Variants in MTCL2 observed in about 807,000 individuals in gnomAD.
The protein encoded by MTCL2 is microtubule crosslinking factor 2.
the MTCL2 span, chr20:36,781,874 G>T: frequency 6.6e-6 from 1 of 151,996 alleles, no homozygotes; most frequent in Non-Finnish European, 1.5e-5. Flanking sequence ...TCATTCCGTT[G>T]CCCAGGCTAG....
the MTCL2 span, chr20:36,794,338 C>T: frequency 5.7e-6 from 9 of 1,586,058 alleles, no homozygotes; most frequent in African/African-American, 2.7e-5. This position sits in a 1 kb window ranked among gnomAD's most constrained non-coding sequence, Gnocchi z 5.4. Context: ...CTCGGATGCC[C>T]GTCTTGTCAG....
chr20:36,804,902 G>C, the MTCL2 span: 1 of 1,606,770 alleles, frequency 6.2e-7, no homozygotes, highest in Non-Finnish European at 8.5e-7. Flanking sequence ...TACTCATTGG[G>C]CTGCAGACAG....
the MTCL2 span, among the ~76,000 whole-genome samples, chr20:36,834,126 G>A: frequency 6.7e-6 from 1 of 148,556 alleles, no homozygotes; most frequent in Non-Finnish European, 1.5e-5. Flanking sequence ...TCACGCTACT[G>A]TACTCCAGCC....
chr20:36,831,295 G>A, the MTCL2 span, among the ~76,000 whole-genome samples: 1 of 152,242 alleles, frequency 6.6e-6, no homozygotes, highest in Non-Finnish European at 1.5e-5. Flanking sequence ...CAGAGCAGAA[G>A]TGACTCACTC....
chr20:36,810,901 T>G, the MTCL2 span, among the ~76,000 whole-genome samples: 1 of 152,102 alleles, frequency 6.6e-6, no homozygotes, highest in African/African-American at 2.4e-5. Context: ...TGTATATTTT[T>G]GATAGAGACA....
chr20:36,792,757 A>C, the MTCL2 span, among the ~76,000 whole-genome samples: 3 of 151,678 alleles, frequency 2.0e-5, no homozygotes, highest in Non-Finnish European at 2.9e-5. Flanking sequence ...GGACCTTCCA[A>C]CTCTATCCTA....
chr20:36,786,615 G>T, the MTCL2 span: 1 of 1,550,750 alleles, frequency 6.4e-7, no homozygotes, highest in East Asian at 2.4e-5. Flanking sequence ...GAGAGACTGG[G>T]TACTACAGTC....
At chr20:36,855,389 G>T in the MTCL2 span, among the ~76,000 whole-genome samples, 1 of 152,214 alleles carries the variant, frequency 6.6e-6, no homozygotes, top group East Asian at 1.9e-4. Context: ...GGGCTGGCCT[G>T]CTGCTTCCAC....
the MTCL2 span, among the ~76,000 whole-genome samples, chr20:36,808,238 C>G: frequency 1.1e-4 from 17 of 151,678 alleles, no homozygotes; most frequent in African/African-American, 4.1e-4. Context: ...TGCCTGTAAT[C>G]CCAGCTACTC....
the MTCL2 span, chr20:36,839,478 C>T: frequency 2.5e-6 from 4 of 1,597,900 alleles, no homozygotes; most frequent in Non-Finnish European, 3.4e-6. The surrounding 1 kb of genome is among the most constrained non-coding windows in gnomAD (Gnocchi z 5.1). Flanking sequence ...ACTGGGCCCA[C>T]AGTAGCAGCT....
the MTCL2 span, chr20:36,863,093 C>G: frequency 2.1e-6 from 3 of 1,400,206 alleles, no homozygotes; most frequent in Non-Finnish European, 2.8e-6. This position sits in a 1 kb window ranked among gnomAD's most constrained non-coding sequence, Gnocchi z 6.2. Context: ...CCCGCACACC[C>G]GCACCGCGCG....
the MTCL2 span, among the ~76,000 whole-genome samples, chr20:36,809,292 A>T: frequency 7.9e-5 from 12 of 152,232 alleles, no homozygotes; most frequent in Non-Finnish European, 1.6e-4. Flanking sequence ...GGGCACAAGG[A>T]TTAAAAGACA....
the MTCL2 span, among the ~76,000 whole-genome samples, chr20:36,830,999 A>T: frequency 2.0e-5 from 3 of 152,274 alleles, no homozygotes; most frequent in East Asian, 5.8e-4. Flanking sequence ...TCCCTACAGA[A>T]AGAAGCTAGA....
At chr20:36,804,952 G>A in the MTCL2 span, 1 of 1,586,524 alleles carries the variant, frequency 6.3e-7, no homozygotes, top group Non-Finnish European at 8.6e-7. Context: ...GGGGTAGGGA[G>A]GGGAACCTGG....
the MTCL2 span, chr20:36,785,275 C>G: frequency 1.0e-6 from 1 of 985,416 alleles, no homozygotes. Context: ...GACCCCATGC[C>G]TGCCCGTGCT....
At chr20:36,798,483 T>C in the MTCL2 span, among the ~76,000 whole-genome samples, 1 of 152,162 alleles carries the variant, frequency 6.6e-6, no homozygotes, top group Admixed American at 6.5e-5. Flanking sequence ...GCTGACTGAG[T>C]GAATGATCGT....
chr20:36,783,661 C>T, the MTCL2 span: 1 of 644,490 alleles, frequency 1.6e-6, no homozygotes, highest in Non-Finnish European at 1.9e-6. Flanking sequence ...GGGCAGCATT[C>T]CTTCTTGGGA....
At chr20:36,828,919 GAATA>G in the MTCL2 span, 1 of 920,390 alleles carries the variant, frequency 1.1e-6, no homozygotes, top group Non-Finnish European at 1.6e-6. Flanking sequence ...AGGAATGAAT[GAATA>G]AACAACCTTG....
chr20:36,777,700 CTTGCCCTGGGG>C, the MTCL2 span: 2 of 514,454 alleles, frequency 3.9e-6, no homozygotes, highest in East Asian at 7.1e-5. Flanking sequence ...TCCCATGGGC[CTTGCCCTGGGG>C]GTCCCCCAGG....
Sources: gnomAD v4.1 joint callset for allele counts (sites outside exome capture counted in the v4.1 genomes callset) on GRCh38, gnomAD v4.1.1 for gene constraint, Gnocchi (gnomAD v3.1) non-coding constraint, MANE v1.5 for transcripts, NCBI Gene and HGNC (gene_info 2026-07-23, HGNC 2026-07-21) for gene names.